BRCA1: variants seen among roughly 807,000 people sequenced by gnomAD.
The protein encoded by BRCA1 is BRCA1 DNA repair associated.
A neutral mutation model predicts 173.7 loss-of-function variants in BRCA1; 140 were observed. The observed-to-expected ratio is 0.81, with a 90% CI of 0.70 to 0.93. The LOEUF is 0.93. Among genes scored for constraint, BRCA1 ranks in the 40% least tolerant of loss-of-function variants. The probability of loss-of-function intolerance (pLI) is 0.00; values close to 1 mark genes in which losing one functional copy is unlikely to be tolerated. For synonymous variants in BRCA1, 662 were observed against 756.0 expected (o/e 0.88, Z 2.04); for missense variants, 1,983 against 2,172.5 (o/e 0.91, Z 1.73).
chr17:43,079,924 A>G (rs922930559), intron 12 of BRCA1: 5 of 620,980 alleles, frequency 8.1e-6, no homozygotes, highest in Non-Finnish European at 1.4e-5. Context: ...ACTTGTTAGA[A>G]GTTAACAACT....
chr17:43,116,138 C>T (rs920486493), intron 2 of BRCA1, among the ~76,000 whole-genome samples: 11 of 152,174 alleles, frequency 7.2e-5, no homozygotes, highest in African/African-American at 2.4e-4. Flanking sequence ...CATCTTTAAG[C>T]TCCATAAAGA....
intron 21 of BRCA1, among the ~76,000 whole-genome samples, chr17:43,048,518 CT>C (rs781716310): frequency 0.019 from 2,687 of 140,132 alleles, 63 homozygotes; most frequent in African/African-American, 0.056. Context: ...CTCTCTCTCT[CT>C]TTTTTTTTTT....
intron 1 of BRCA1, among the ~76,000 whole-genome samples, chr17:43,137,391 C>T (rs1008368760): frequency 3.3e-5 from 5 of 149,870 alleles, no homozygotes; most frequent in Non-Finnish European, 4.4e-5. Flanking sequence ...CAAACCTGCA[C>T]GTTGTGCACA....
chr17:43,110,603 AAG>A, intron 3 of BRCA1: 1 of 395,028 alleles, frequency 2.5e-6, no homozygotes, highest in Non-Finnish European at 5.0e-6. Flanking sequence ...AAAAAAAAAA[AAG>A]TAGCTGTTGA....
intron 1 of BRCA1, among the ~76,000 whole-genome samples, chr17:43,158,412 G>T (rs2056211464): frequency 6.6e-6 from 1 of 152,162 alleles, no homozygotes; most frequent in African/African-American, 2.4e-5. Context: ...AAGGGCAAGG[G>T]AGAGGATGGT....
At chr17:43,123,087 T>C (rs886351227) in intron 2 of BRCA1, among the ~76,000 whole-genome samples, 2 of 151,212 alleles carry the variant, frequency 1.3e-5, no homozygotes, top group African/African-American at 4.9e-5. Flanking sequence ...AAAAATTAGC[T>C]GGGCATGGTG....
chr17:43,101,453 C>T (rs1359750529), intron 6 of BRCA1, among the ~76,000 whole-genome samples: 7 of 152,094 alleles, frequency 4.6e-5, no homozygotes, highest in Admixed American at 3.9e-4. Flanking sequence ...CCTTGGCCTC[C>T]CAAAGTGCTG....
In BRCA1 at chr17:43,091,941, TGTGTATGG is replaced by T. The variant is rs886040146; in HGVS notation, c.3582_3589del (p.His1195PhefsTer21). 1 of 1,614,118 alleles carries T rather than the reference TGTGTATGG, an allele frequency of 6.2e-7. No individual in the cohort carries two copies. On this transcript the variant is annotated frameshift_variant, in exon 10 of 23. Transcript: ENST00000357654. LOFTEE classifies it high-confidence loss of function. ...CCCTCTTCGGTAACCCTGAGCCAAA[TGTGTATGG>T]GTGAAAGGGCTAGGACTCCTGCTAA...
intron 4 of BRCA1, 136 bp from the exon 5 acceptor site, chr17:43,105,092 A>C: frequency 1.4e-6 from 1 of 711,886 alleles, no homozygotes; most frequent in South Asian, 1.6e-5. Context: ...TCAATACATC[A>C]TTGACATCTG....
rs80357470 is a variant in BRCA1, at chr17:43,074,486, C to G, written c.4520G>C (p.Arg1507Thr). Residue 1507 changes from arginine (R) to threonine (T), a missense_variant, in exon 14 of 23, where the codon AGG (arginine) becomes ACG (threonine). Transcript: ENST00000357654. ...CCCAGAGCAACTGTGCATGTACCACCTATCATCTAATGATGGGCATTTAGA... is the reference window on the plus strand; with the variant it reads ...CCCAGAGCAACTGTGCATGTACCACGTATCATCTAATGATGGGCATTTAGA... Reference protein sequence around the residue: ...SPSKCPSLDDRWYMHSCSGSL... With the variant: ...SPSKCPSLDDTWYMHSCSGSL... The G allele has an allele frequency of 3.8e-5, 62 of 1,613,966 alleles. No individual in the cohort carries two copies. Among genetic ancestry groups the G allele is most frequent in the Middle Eastern group, 3.3e-4 (2 of 6,084 alleles).
In BRCA1 at chr17:43,076,562, T is replaced by C; in HGVS notation, c.4410A>G (p.Glu1470=). The C allele has an allele frequency of 6.2e-7, 1 of 1,613,734 alleles. No homozygotes were observed. Among genetic ancestry groups the C allele is most frequent in the Non-Finnish European group, 8.5e-7 (1 of 1,179,750 alleles). The change falls in exon 13 of 23, where the codon GAA becomes GAG. Residue 1470 remains glutamate, a synonymous_variant. Coordinates refer to ENST00000357654, the MANE Select transcript of BRCA1 (RefSeq NM_007294.4). ...SSEYPISQNP[E]GLSADKFEVS... ...CCTCAAACTTGTCAGCAGAAAGGCC[T>C]TCTGGATTCTGGCTTATAGGGTATT...
At chr17:43,079,432 G>C (rs1256065626) in intron 12 of BRCA1, 1 of 1,545,652 alleles carries the variant, frequency 6.5e-7, no homozygotes, top group East Asian at 2.2e-5. Flanking sequence ...GACATCAAGG[G>C]AACGGGTACT....
chr17:43,097,326 G>A (rs1332875775), intron 7 of BRCA1, 37 bp from the exon 8 acceptor site: 1 of 1,540,526 alleles, frequency 6.5e-7, no homozygotes, highest in Non-Finnish European at 8.9e-7. Flanking sequence ...ATCAATAAAA[G>A]TTTTCTTAAT....
intron 14 of BRCA1, 35 bp from the exon 15 acceptor site, chr17:43,071,273 G>A (rs1162815279): frequency 1.3e-6 from 2 of 1,597,646 alleles, no homozygotes; most frequent in Admixed American, 3.3e-5. Flanking sequence ...TTTACACAAC[G>A]ATGAATGTTG....
chr17:43,048,991 G>T, intron 21 of BRCA1, 130 bp downstream of exon 21: 1 of 835,410 alleles, frequency 1.2e-6, no homozygotes, highest in Non-Finnish European at 2.0e-6. Flanking sequence ...GAGTCTTTTG[G>T]CACAGGTATG....
At chr17:43,070,866 A>G in intron 15 of BRCA1, 62 bp downstream of exon 15, 1 of 1,575,758 alleles carries the variant, frequency 6.3e-7, no homozygotes, top group Non-Finnish European at 8.7e-7. Context: ...TACCTACATA[A>G]AACTCTTTCC....
Position 43,082,472 on chromosome 17 carries a change from G to A in BRCA1, c.4289C>T (p.Pro1430Leu), listed in dbSNP as rs1597847973. 5 of 1,614,166 alleles carry A rather than the reference G, an allele frequency of 3.1e-6. No homozygotes were observed. In the East Asian group the frequency reaches 8.9e-5, roughly 29 times the overall value. ...QHGSQPSNSY[P>L]SIISDSSALE... ...GGCAGAAGAGTCACTTATGATGGAA[G>A]GGTAGCTGTTAGAAGGCTGGCTCCC... Residue 1430 changes from proline (P) to leucine (L), a missense_variant, in exon 12 of 23, where the codon CCT becomes CTT. Coordinates refer to ENST00000357654, the MANE Select transcript of BRCA1 (RefSeq NM_007294.4).
chr17:43,060,931 G>A (rs2051721527), intron 18 of BRCA1, among the ~76,000 whole-genome samples: 1 of 151,880 alleles, frequency 6.6e-6, no homozygotes, highest in Non-Finnish European at 1.5e-5. Context: ...TTTGAGACCA[G>A]CCTGACCAAC....
At chr17:43,087,939 T>G (rs1179543643) in intron 11 of BRCA1, among the ~76,000 whole-genome samples, 1 of 151,290 alleles carries the variant, frequency 6.6e-6, no homozygotes, top group African/African-American at 2.4e-5. Context: ...CAGAACAGAG[T>G]GCAGTAGCGT....
Sources: allele counts gnomAD v4.1 joint callset (sites outside exome capture counted in the v4.1 genomes callset), GRCh38; gene constraint gnomAD v4.1.1; transcripts MANE v1.5; gene names NCBI Gene and HGNC (gene_info 2026-07-23, HGNC 2026-07-21).